SLC3A1: variants seen among roughly 807,000 people sequenced by gnomAD.
SLC3A1 encodes the protein solute carrier family 3 member 1, also known as amino acid transporter heavy chain SLC3A1.
SLC3A1 carries 78 observed loss-of-function variants against 60.3 expected under a neutral mutation model. The observed-to-expected ratio is 1.29, with a 90% CI of 1.08 to 1.56. The LOEUF is 1.56. Among genes scored for constraint, SLC3A1 ranks in the 40% most tolerant of loss-of-function variants. The probability of loss-of-function intolerance (pLI) is 0.00; values close to 1 mark genes in which losing one functional copy is unlikely to be tolerated. For missense variants in SLC3A1, 1,172 were observed against 858.9 expected (o/e 1.36, Z -4.56); for synonymous variants, 392 against 307.9 (o/e 1.27, Z -2.86).
Position 44,286,055 on chromosome 2 carries a change from T to C in SLC3A1, c.789T>C (p.Ser263=), listed in dbSNP as rs752334508. ...AGTTAAGTGTGTATGGAAACTCCAG[T>C]TGGCACTTTGACGAAGTGCGAAACC... is the stretch of plus-strand genomic sequence containing the variant. ...NNWLSVYGNS[S]WHFDEVRNQC... Residue 263 remains serine (S), a synonymous_variant, in exon 4 of 10, where the codon AGT becomes AGC. Coordinates refer to ENST00000260649, the MANE Select transcript of SLC3A1 (RefSeq NM_000341.4). The C allele has an allele frequency of 5.0e-6, 8 of 1,614,024 alleles. No homozygotes were observed. The highest frequency in any genetic ancestry group is 1.7e-5 in the Admixed American group (1 of 60,008).
In SLC3A1 at chr2:44,275,839, G is replaced by A. The variant is rs757955012; in HGVS notation, c.304G>A (p.Ala102Thr). 34 of 1,614,112 alleles carry A rather than the reference G, an allele frequency of 2.1e-5. No individual in the cohort carries two copies. Among genetic ancestry groups the A allele is most frequent in the Non-Finnish European group, 2.7e-5 (32 of 1,180,044 alleles). ...LTVASVLVLIAATIAIIALSP... is the reference protein window; with the variant it reads ...LTVASVLVLITATIAIIALSP... ...AGTGGCTTCTGTGCTGGTGCTCATC[G>A]CGGCCACCATAGCCATCATTGCCCT... The change falls in exon 1 of 10, where the codon GCG (alanine) becomes ACG (threonine). Residue 102 changes from alanine to threonine, a missense_variant. By Grantham distance (58) the Ala-to-Thr change is moderately conservative. Coordinates refer to ENST00000260649, the MANE Select transcript of SLC3A1 (RefSeq NM_000341.4).
intron 4 of SLC3A1, among the ~76,000 whole-genome samples, chr2:44,291,049 T>TAA (rs1189267138): frequency 6.6e-6 from 1 of 152,188 alleles, no homozygotes; most frequent in African/African-American, 2.4e-5. Flanking sequence ...GAGGCTTAGA[T>TAA]AGGTAAAGTC....
chr2:44,290,384 C>T (rs951885489), intron 4 of SLC3A1, among the ~76,000 whole-genome samples: 2 of 152,110 alleles, frequency 1.3e-5, no homozygotes, highest in Non-Finnish European at 2.9e-5. Flanking sequence ...CAACTTTGTT[C>T]TTTTTCAGTA....
At chr2:44,285,970 G>T in intron 3 of SLC3A1, 62 bp from the exon 4 acceptor site, 1 of 1,597,828 alleles carries the variant, frequency 6.3e-7, no homozygotes, top group South Asian at 1.1e-5. Flanking sequence ...GGAGGGCAAT[G>T]ATCTTTATTT....
Position 44,321,481 on chromosome 2 carries a change from C to A in SLC3A1, c.*842C>A, listed in dbSNP as rs545142172. The A allele has an allele frequency of 3.1e-6, 5 of 1,594,170 alleles. No homozygotes were observed. Among genetic ancestry groups the A allele is most frequent in the African/African-American group, 1.3e-5 (1 of 74,282 alleles). ...CACATTAAAAAAATTAAATAGAAGG[C>A]CTTTGTAGTAAAATGCCACTGTTTA... On this transcript the variant is annotated 3_prime_UTR_variant, in exon 10 of 10. Coordinates refer to ENST00000260649, the MANE Select transcript of SLC3A1 (RefSeq NM_000341.4).
chr2:44,292,435 G>A (rs537934137), intron 4 of SLC3A1, among the ~76,000 whole-genome samples: 1 of 152,232 alleles, frequency 6.6e-6, no homozygotes, highest in South Asian at 2.1e-4. Context: ...CTCATTTAAT[G>A]ATAGGTATTG....
Position 44,299,266 on chromosome 2 carries a change from T to C in SLC3A1, c.892-705T>C, listed in dbSNP as rs575389806. ...GTTGGCCAGGCTGGTGTCAAACTCC[T>C]GACCTCAGGTGATCCGCCTGCCTCG... On this transcript the variant is annotated intron_variant, in intron 4 of 9. Coordinates refer to ENST00000260649, the MANE Select transcript of SLC3A1 (RefSeq NM_000341.4). Among the ~76,000 whole-genome samples the C allele has an allele frequency of 2.2e-4, 34 of 152,258 alleles. No individual in the cohort carries two copies. The South Asian group carries it at 6.4e-3, about 29-fold the overall frequency.
chr2:44,301,444 C>G (rs1461000807), intron 6 of SLC3A1: 2 of 546,528 alleles, frequency 3.7e-6, no homozygotes, highest in Admixed American at 3.1e-5. Flanking sequence ...TTTTCTTTTT[C>G]AAAAACCAGT....
intron 9 of SLC3A1, chr2:44,314,187 A>ATTGCAATG (rs1672367801): frequency 9.6e-7 from 1 of 1,043,298 alleles, no homozygotes; most frequent in South Asian, 1.7e-5. Context: ...ACAAGTCTTC[A>ATTGCAATG]TTGCAATGAC....
Position 44,320,553 on chromosome 2 carries a change from C to T in SLC3A1, c.1972C>T (p.Arg658Cys), listed in dbSNP as rs749314531. The T allele has an allele frequency of 9.9e-6, 16 of 1,614,058 alleles. No homozygotes were observed. The East Asian group carries it at 1.8e-4, about 18-fold the overall frequency. ...ACACAACACGAAGAATCTCCTTCAT[C>T]GCCAAACAGCTTTCAGAGATAGATG... ...FEHNTKNLLHRQTAFRDRCFV... is the reference protein window; with the variant it reads ...FEHNTKNLLHCQTAFRDRCFV... The change falls in exon 10 of 10, where the codon CGC becomes TGC. Residue 658 changes from arginine to cysteine, a missense_variant. Coordinates refer to ENST00000260649, the MANE Select transcript of SLC3A1 (RefSeq NM_000341.4).
At chr2:44,281,311 A>G in intron 2 of SLC3A1, 76 bp from the exon 3 acceptor site, 2 of 1,328,418 alleles carry the variant, frequency 1.5e-6, no homozygotes, top group Admixed American at 1.7e-5. Context: ...GGCGTTAGCC[A>G]TTACTGTGCC....
chr2:44,313,923 A>T lies in SLC3A1; in HGVS notation c.1589A>T (p.Asn530Ile). 6.2e-7 allele frequency: 1 copy of T among 1,614,124 alleles called. No homozygotes were observed. ...SEASNTWLPT[N>I]SDYHTVNVDV... is the part of the protein sequence containing the mutation. ...GCTAGTAACACCTGGTTACCTACCAATTCAGATTACCACACTGTGAATGTT... is the reference window on the plus strand; with the variant it reads ...GCTAGTAACACCTGGTTACCTACCATTTCAGATTACCACACTGTGAATGTT... The change falls in exon 9 of 10, where the codon AAT (asparagine) becomes ATT (isoleucine). Residue 530 changes from asparagine (N) to isoleucine (I), a missense_variant. Transcript: ENST00000260649.
intron 8 of SLC3A1, 119 bp from the exon 9 acceptor site, chr2:44,313,716 G>C: frequency 1.1e-6 from 1 of 873,574 alleles, no homozygotes; most frequent in African/African-American, 1.6e-5. Context: ...AAATGCTAAT[G>C]AGTACAAACA....
intron 4 of SLC3A1, among the ~76,000 whole-genome samples, chr2:44,292,551 C>G (rs577418840): frequency 6.6e-6 from 1 of 152,068 alleles, no homozygotes; most frequent in East Asian, 1.9e-4. Flanking sequence ...ATTAAACAGG[C>G]GATTACAATA....
chr2:44,304,204 C>A lies in SLC3A1; in HGVS notation c.1198C>A (p.Pro400Thr), dbSNP rs533782563. The change falls in exon 7 of 10, where the codon CCA becomes ACA. Residue 400 changes from proline (P) to threonine (T), a missense_variant. Coordinates refer to ENST00000260649, the MANE Select transcript of SLC3A1 (RefSeq NM_000341.4). The stretch of plus-strand genomic sequence containing the variant: ...CAGGACCGTGATGTACTATGGATTG[C>A]CATTTATCCAAGAAGCTGATTTTCC... The part of the protein sequence containing the change: ...IDRTVMYYGL[P>T]FIQEADFPFN... 1 of 1,614,008 alleles carries A rather than the reference C, an allele frequency of 6.2e-7. No individual in the cohort carries two copies. The highest frequency in any genetic ancestry group is 1.1e-5 in the South Asian group (1 of 91,086).
intron 4 of SLC3A1, among the ~76,000 whole-genome samples, chr2:44,298,081 C>T (rs558597877): frequency 6.6e-6 from 1 of 152,168 alleles, no homozygotes; most frequent in Admixed American, 6.5e-5. Context: ...TCATTTCTCT[C>T]GGGTATATAC....
intron 3 of SLC3A1, among the ~76,000 whole-genome samples, chr2:44,283,417 T>C (rs1671544479): frequency 6.6e-6 from 1 of 152,224 alleles, no homozygotes; most frequent in Non-Finnish European, 1.5e-5. Flanking sequence ...TGTGCCAGGC[T>C]CTGTGCTAAG....
rs548314888 is a variant in SLC3A1 at position 44,318,095 on chromosome 2, G to T, written c.1618-2104G>T. ...ATAATACTTAAAGGATCTCAACACTGTTTTTTTTTTTTTTTGAGACAGTCT... is the reference window on the plus strand; with the variant it reads ...ATAATACTTAAAGGATCTCAACACTTTTTTTTTTTTTTTTTGAGACAGTCT... On this transcript the variant is annotated intron_variant, in intron 9 of 9. Transcript: ENST00000260649. 4.1e-4 allele frequency: 162 copies of T among 396,970 alleles called. 2 individuals are homozygous for T. The highest frequency in any genetic ancestry group is 1.1e-3 in the South Asian group (63 of 56,214). The allele number at this position is 396,970 out of a possible 1,614,324, so 24.6% of individuals were successfully genotyped here.
intron 7 of SLC3A1, among the ~76,000 whole-genome samples, chr2:44,310,211 C>G (rs889805977): frequency 6.6e-6 from 1 of 152,170 alleles, no homozygotes; most frequent in African/African-American, 2.4e-5. Flanking sequence ...TATAGTACTT[C>G]TGTGATTTTG....
Sources: allele counts gnomAD v4.1 joint callset (sites outside exome capture counted in the v4.1 genomes callset), GRCh38; gene constraint gnomAD v4.1.1; transcripts MANE v1.5; gene names NCBI Gene and HGNC (gene_info 2026-07-23, HGNC 2026-07-21).